Variants in TRMT2B observed in about 807,000 individuals in gnomAD.
TRMT2B encodes tRNA (uracil-5-)-methyltransferase homolog B.
TRMT2B carries 34 observed loss-of-function variants against 39.7 expected under a neutral mutation model. The observed-to-expected ratio is 0.86, with a 90% CI of 0.65 to 1.14. The LOEUF (loss-of-function observed/expected upper bound fraction) is 1.14. TRMT2B is among the 50% of genes most tolerant of loss of function. The pLI is 0.00. For synonymous variants in TRMT2B, 132 were observed against 137.3 expected (o/e 0.96, Z 0.27); for missense variants, 318 against 377.2 (o/e 0.84, Z 1.30).
chrX:101,007,963 T>G (rs1457527621), downstream of TRMT2B, among the ~76,000 whole-genome samples: 6 of 111,205 alleles, frequency 5.4e-5, no homozygotes, highest in Non-Finnish European at 9.4e-5. Flanking sequence ...GATGGCGACT[T>G]TGTGAAAAAT....
At chrX:100,981,510 T>C in the TRMT2B span, among the ~76,000 whole-genome samples, 1 of 109,676 alleles carries the variant, frequency 9.1e-6, no homozygotes, top group Non-Finnish European at 1.9e-5. Context: ...CTTGACATGA[T>C]GTTATAACCA....
the TRMT2B span, chrX:100,988,289 T>G: frequency 7.5e-6 from 9 of 1,206,950 alleles, no homozygotes; most frequent in Non-Finnish European, 1.0e-5. Flanking sequence ...TACAGGTAAA[T>G]GGCCCTTTAA....
intron 7 of TRMT2B, 33 bp downstream of exon 7, chrX:101,035,580 G>A (rs750551129): frequency 8.6e-6 from 10 of 1,167,809 alleles, no homozygotes; most frequent in Non-Finnish European, 1.2e-5. Flanking sequence ...CAATGCTCCA[G>A]GCCATTCTCA....
At chrX:101,041,432 T>C (rs2088233900) in intron 3 of TRMT2B, 61 bp from the exon 4 acceptor site, 3 of 1,040,069 alleles carry the variant, frequency 2.9e-6, no homozygotes, top group African/African-American at 1.9e-5. Flanking sequence ...GTGCCTACTA[T>C]GCATAAGTAC....
At chrX:101,036,170 G>A (rs1243003987) in intron 6 of TRMT2B, among the ~76,000 whole-genome samples, 1 of 111,879 alleles carries the variant, frequency 8.9e-6, no homozygotes, top group Non-Finnish European at 1.9e-5. Context: ...AATGGGCCAA[G>A]CACAGTGGCT....
intron 7 of TRMT2B, among the ~76,000 whole-genome samples, chrX:101,035,401 A>G (rs2087775153): frequency 8.9e-6 from 1 of 111,899 alleles, no homozygotes; most frequent in Non-Finnish European, 1.9e-5. Context: ...TGATACTTAC[A>G]ATAATGGACA....
the TRMT2B span, chrX:100,985,876 C>T: frequency 2.5e-6 from 3 of 1,209,683 alleles, no homozygotes; most frequent in East Asian, 3.0e-5. Context: ...CTTAACACAT[C>T]TGCTGTCCGA....
intron 13 of TRMT2B, among the ~76,000 whole-genome samples, chrX:101,013,112 C>T (rs932412547): frequency 5.5e-4 from 61 of 111,715 alleles, no homozygotes; most frequent in Non-Finnish European, 9.0e-4. Flanking sequence ...TGAGCCACCG[C>T]GCCCGGTCAG....
chrX:101,005,921 A>G (rs1013699856), downstream of TRMT2B, among the ~76,000 whole-genome samples: 2 of 104,200 alleles, frequency 1.9e-5, no homozygotes, highest in Non-Finnish European at 3.9e-5. Context: ...GAGAAAAGAA[A>G]AAAAGAAAAA....
chrX:100,987,298 T>G, the TRMT2B span: 2 of 927,225 alleles, frequency 2.2e-6, no homozygotes, highest in Non-Finnish European at 2.9e-6. Context: ...AGTTTATGTG[T>G]TCCTTCACTC....
intron 2 of TRMT2B, among the ~76,000 whole-genome samples, chrX:101,050,915 G>A (rs2089039513): frequency 9.3e-6 from 1 of 107,766 alleles, no homozygotes; most frequent in African/African-American, 3.4e-5. Flanking sequence ...GGTGGCAGGC[G>A]CCTGTAATCC....
chrX:101,039,194 C>T (rs1018459217), intron 4 of TRMT2B, among the ~76,000 whole-genome samples: 4 of 110,914 alleles, frequency 3.6e-5, no homozygotes, highest in Non-Finnish European at 7.5e-5. Context: ...CTCAGCCCCC[C>T]GAGTAGCTGG....
chrX:101,000,598 T>A, the TRMT2B span, among the ~76,000 whole-genome samples: 5 of 110,153 alleles, frequency 4.5e-5, no homozygotes, highest in East Asian at 1.2e-3. Flanking sequence ...AAACCAGTGC[T>A]CAGAACACCT....
chrX:100,987,906 A>G, the TRMT2B span, among the ~76,000 whole-genome samples: 1 of 112,225 alleles, frequency 8.9e-6, no homozygotes, highest in South Asian at 3.7e-4. Context: ...GCATTATTCT[A>G]TGGATAAATG....
chrX:101,038,533 G>GT (rs751917827), intron 4 of TRMT2B, among the ~76,000 whole-genome samples: 1 of 110,989 alleles, frequency 9.0e-6, no homozygotes, highest in Non-Finnish European at 1.9e-5. Context: ...ACCTAAAAAG[G>GT]TAATGAGGAA....
intron 13 of TRMT2B, among the ~76,000 whole-genome samples, chrX:101,016,779 T>C (rs924554315): frequency 9.2e-6 from 1 of 108,196 alleles, no homozygotes; most frequent in African/African-American, 3.4e-5. Flanking sequence ...CCCGAGCAGC[T>C]GGGATTACTC....
chrX:101,033,677 C>T (rs2087647842), intron 7 of TRMT2B, among the ~76,000 whole-genome samples: 3 of 110,600 alleles, frequency 2.7e-5, no homozygotes, highest in African/African-American at 9.8e-5. Context: ...CCAATAAAAA[C>T]AAAAAGATGC....
the TRMT2B span, among the ~76,000 whole-genome samples, chrX:100,998,157 G>A: frequency 9.3e-6 from 1 of 107,708 alleles, no homozygotes; most frequent in African/African-American, 3.4e-5. Context: ...CTACTCAGGA[G>A]GCTGAGGCAG....
intron 2 of TRMT2B, among the ~76,000 whole-genome samples, chrX:101,050,737 A>G (rs1051591117): frequency 6.8e-5 from 7 of 102,423 alleles, no homozygotes; most frequent in Non-Finnish European, 9.9e-5. Flanking sequence ...AAATAAAAAT[A>G]AAAAATAAAA....
Sources: allele counts gnomAD v4.1 joint callset (sites outside exome capture counted in the v4.1 genomes callset), GRCh38; gene constraint gnomAD v4.1.1; transcripts MANE v1.5; gene names NCBI Gene and HGNC (gene_info 2026-07-23, HGNC 2026-07-21).